Variants in SLIT2 observed in about 807,000 individuals in gnomAD.
SLIT2 encodes the protein slit homolog 2 protein.
In SLIT2, 41 loss-of-function variants were observed where a neutral mutation model predicts 185.7. The observed-to-expected ratio is 0.22, with a 90% CI of 0.17 to 0.29. The LOEUF (loss-of-function observed/expected upper bound fraction) is 0.29. Ranked by LOEUF, SLIT2 falls within the 10% of genes least tolerant of loss-of-function variation. The pLI is 1.00. For missense variants in SLIT2, 1,571 were observed against 1,909.0 expected (o/e 0.82, Z 3.30); for synonymous variants, 693 against 680.2 (o/e 1.02, Z -0.29).
rs555000697 is a variant in SLIT2 at position 20,542,168 on chromosome 4, C to T, written c.2144-326C>T. The stretch of plus-strand genomic sequence containing the variant: ...CCTTATGTCTCTTCATATCTGTTTC[C>T]GTGCCGTTTCTCTGTAATTCACTTT... On this transcript the variant is annotated intron_variant, in intron 20 of 36. Transcript: ENST00000504154. Among the ~76,000 whole-genome samples, 6 of 152,188 alleles carry T rather than the reference C, an allele frequency of 3.9e-5. No homozygotes were observed. In the East Asian group the frequency reaches 5.8e-4, roughly 15 times the overall value.
intron 4 of SLIT2, among the ~76,000 whole-genome samples, chr4:20,402,350 G>A (rs1488209984): frequency 6.6e-6 from 1 of 151,916 alleles, no homozygotes; most frequent in Non-Finnish European, 1.5e-5. Context: ...TTATCTGCAT[G>A]AAACTTGAAT....
At chr4:20,616,803 C>G in intron 34 of SLIT2, 107 bp from the exon 35 acceptor site, 1 of 1,248,026 alleles carries the variant, frequency 8.0e-7, no homozygotes, top group Non-Finnish European at 1.1e-6. Flanking sequence ...CCCAAATATC[C>G]TGCCATAATA....
At chr4:20,413,196 T>C (rs138214505) in intron 4 of SLIT2, among the ~76,000 whole-genome samples, 132 of 152,190 alleles carry the variant, frequency 8.7e-4, no homozygotes, top group African/African-American at 3.1e-3. Flanking sequence ...CCTTAAAGTA[T>C]TACATAATTT....
chr4:20,332,999 C>T (rs1720196147), intron 4 of SLIT2, among the ~76,000 whole-genome samples: 1 of 152,078 alleles, frequency 6.6e-6, no homozygotes, highest in Non-Finnish European at 1.5e-5. Context: ...TATTTCTTAA[C>T]ATATATTATC....
chr4:20,473,331 A>G (rs949424954), intron 5 of SLIT2, among the ~76,000 whole-genome samples: 2 of 152,002 alleles, frequency 1.3e-5, no homozygotes, highest in African/African-American at 4.8e-5. Context: ...ATTTGTATTT[A>G]TCCTTTTTTG....
chr4:20,471,991 T>G (rs1715088402), intron 5 of SLIT2, among the ~76,000 whole-genome samples: 1 of 151,732 alleles, frequency 6.6e-6, no homozygotes, highest in Non-Finnish European at 1.5e-5. Context: ...CCCTTGACAT[T>G]TTACACAATG....
At chr4:20,431,835 G>A (rs1729005528) in intron 4 of SLIT2, among the ~76,000 whole-genome samples, 1 of 152,208 alleles carries the variant, frequency 6.6e-6, no homozygotes, top group Non-Finnish European at 1.5e-5. Flanking sequence ...GTGAAGTTGA[G>A]CTCCTGGCCG....
At chr4:20,397,986 CGAGT>C (rs1223418398) in intron 4 of SLIT2, among the ~76,000 whole-genome samples, 1 of 151,730 alleles carries the variant, frequency 6.6e-6, no homozygotes, top group Non-Finnish European at 1.5e-5. Flanking sequence ...AAAGTACAGA[CGAGT>C]GAGTAGAGAA....
At chr4:20,305,302 T>A (rs761622474) in intron 4 of SLIT2, among the ~76,000 whole-genome samples, 2 of 152,196 alleles carry the variant, frequency 1.3e-5, no homozygotes, top group Non-Finnish European at 2.9e-5. Context: ...AAAATAAATG[T>A]TTGATGAAAT....
intron 4 of SLIT2, among the ~76,000 whole-genome samples, chr4:20,410,226 T>C (rs1256377201): frequency 6.9e-6 from 1 of 144,382 alleles, no homozygotes; most frequent in Non-Finnish European, 1.5e-5. Flanking sequence ...CTTGGTTTTT[T>C]TTCTTTTCTT....
chr4:20,468,247 T>TGA (rs1714575664), intron 5 of SLIT2, among the ~76,000 whole-genome samples: 1 of 152,122 alleles, frequency 6.6e-6, no homozygotes, highest in Admixed American at 6.5e-5. Flanking sequence ...AGAAGTGCTA[T>TGA]GAGAATATGG....
chr4:20,400,360 GA>G, intron 4 of SLIT2, among the ~76,000 whole-genome samples: 1 of 151,764 alleles, frequency 6.6e-6, no homozygotes, highest in African/African-American at 2.4e-5. Context: ...ATGAAGAAAA[GA>G]AGATAGATTT....
At chr4:20,294,855 G>T (rs1460566696) in intron 4 of SLIT2, among the ~76,000 whole-genome samples, 1 of 152,096 alleles carries the variant, frequency 6.6e-6, no homozygotes, top group African/African-American at 2.4e-5. Context: ...AACCTGAAAG[G>T]CAGTCAAAGA....
intron 4 of SLIT2, among the ~76,000 whole-genome samples, chr4:20,440,142 G>A (rs1729640374): frequency 1.3e-5 from 2 of 152,034 alleles, no homozygotes; most frequent in South Asian, 4.1e-4. Context: ...CATTAAATTT[G>A]ATCATATGCT....
At chr4:20,604,026 CT>C (rs1173945157) in intron 33 of SLIT2, among the ~76,000 whole-genome samples, 1 of 152,290 alleles carries the variant, frequency 6.6e-6, no homozygotes, top group East Asian at 1.9e-4. Context: ...GCAATTAGCT[CT>C]GCTTTTCATG....
chr4:20,538,101 A>G (rs1577882929), intron 18 of SLIT2, among the ~76,000 whole-genome samples: 1 of 152,192 alleles, frequency 6.6e-6, no homozygotes, highest in Non-Finnish European at 1.5e-5. Flanking sequence ...CTGGGACTAC[A>G]GGTGCCCGCC....
chr4:20,558,272 A>C (rs1159155590), intron 26 of SLIT2, among the ~76,000 whole-genome samples: 1 of 151,976 alleles, frequency 6.6e-6, no homozygotes, highest in Non-Finnish European at 1.5e-5. Context: ...GAGTCAATTG[A>C]GGCAGCAAAA....
chr4:20,336,626 C>T (rs1720521072), intron 4 of SLIT2, among the ~76,000 whole-genome samples: 1 of 151,942 alleles, frequency 6.6e-6, no homozygotes, highest in Non-Finnish European at 1.5e-5. Flanking sequence ...CACATGTATA[C>T]ATATGTAACA....
intron 18 of SLIT2, among the ~76,000 whole-genome samples, chr4:20,536,291 C>A (rs1266941009): frequency 6.6e-6 from 1 of 152,106 alleles, no homozygotes; most frequent in African/African-American, 2.4e-5. Context: ...CACGGAGGCT[C>A]ACACCTGTAA....
Sources: gnomAD v4.1 joint callset for allele counts (sites outside exome capture counted in the v4.1 genomes callset) on GRCh38, gnomAD v4.1.1 for gene constraint, MANE v1.5 for transcripts, NCBI Gene and HGNC (gene_info 2026-07-23, HGNC 2026-07-21) for gene names.